The following RORC variants were observed in gnomAD, a reference collection of about 807,000 sequenced individuals.
RORC encodes the protein RAR related orphan receptor C.
A neutral mutation model predicts 64.5 loss-of-function variants in RORC; 13 were observed. That is an observed-to-expected ratio of 0.20 (90% CI 0.13 to 0.32). RORC has a LOEUF of 0.32. Among genes scored for constraint, RORC ranks in the 10% least tolerant of loss-of-function variants. The pLI, the probability that RORC is intolerant of heterozygous loss-of-function variation, is 1.00. For missense variants in RORC, 468 were observed against 669.5 expected, an observed-to-expected ratio of 0.70 and a Z score of 3.32; for synonymous variants, 277 against 259.3, an observed-to-expected ratio of 1.07 and a Z score of -0.65.
At chr1:151,811,579 T>C (rs1217023680) in intron 9 of RORC, 145 bp from the exon 10 acceptor site, 1 of 528,724 alleles carries the variant, frequency 1.9e-6, no homozygotes, top group African/African-American at 1.9e-5. Flanking sequence ...GGTTTGATAA[T>C]GGTAAGCTCT....
At chr1:151,821,816 A>G (rs1010575313) in intron 2 of RORC, among the ~76,000 whole-genome samples, 4 of 152,136 alleles carry the variant, frequency 2.6e-5, no homozygotes, top group Non-Finnish European at 4.4e-5. Flanking sequence ...CTAGGAACAG[A>G]ATTCACAGAG....
intron 2 of RORC, among the ~76,000 whole-genome samples, chr1:151,819,843 G>C (rs541991739): frequency 6.6e-6 from 1 of 152,100 alleles, no homozygotes; most frequent in Non-Finnish European, 1.5e-5. Flanking sequence ...CGACACCAAA[G>C]CCTTGGACTC....
Position 151,821,951 on chromosome 1 carries a change from C to T in RORC, c.71-4671G>A, listed in dbSNP as rs1035177340. ...CCTGCCCTTACCCCTTTCTCTAAGG[C>T]CAAGTGGGATGACTTATATATCAAC... On this transcript the variant is annotated intron_variant, in intron 2 of 10. Coordinates refer to ENST00000318247, the MANE Select transcript of RORC (RefSeq NM_005060.4). Among the ~76,000 whole-genome samples, 4 of 152,128 alleles carry T rather than the reference C, an allele frequency of 2.6e-5. No homozygotes were observed. In the South Asian group the frequency reaches 8.3e-4, roughly 32 times the overall value.
At position 151,816,743 on chromosome 1, in the gene RORC, G is replaced by A; in HGVS notation, c.219C>T (p.Cys73=). ...GGTTTCGGCTGGTGCGGTCGATGGG[G>A]CAGTTCTGCTGACGGGTGCAGGAGT... ...AAYSCTRQQN[C]PIDRTSRNRC... Residue 73 remains cysteine (C), a synonymous_variant, in exon 4 of 11, where the codon TGC becomes TGT. Transcript: ENST00000318247. The A allele has an allele frequency of 1.3e-6, 2 of 1,597,566 alleles. No homozygotes were observed.
At chr1:151,819,353 A>G (rs921882827) in intron 2 of RORC, among the ~76,000 whole-genome samples, 1 of 152,210 alleles carries the variant, frequency 6.6e-6, no homozygotes, top group African/African-American at 2.4e-5. Flanking sequence ...GATATCACCA[A>G]TGGAAAGCAC....
Position 151,813,365 on chromosome 1 carries a change from A to C in RORC, c.1067-19T>G. 1 of 1,612,018 alleles carries C rather than the reference A, an allele frequency of 6.2e-7. No individual in the cohort carries two copies. ...ATTGCTCCTGGGCAGTGGGGAGAGA[A>C]GATGCAGGGACAGTGTCAAGCAAAG... On this transcript the variant is annotated intron_variant, in intron 7 of 10. Transcript: ENST00000318247.
chr1:151,814,891 C>G (rs1651695573), intron 5 of RORC, 22 bp downstream of exon 5: 2 of 1,604,374 alleles, frequency 1.2e-6, no homozygotes, highest in African/African-American at 1.3e-5. Context: ...CTACCACCCT[C>G]TCCACCTCCC....
chr1:151,811,323 A>G lies in RORC; in HGVS notation c.1395+2T>C. ...CTCTTCTACCCCAGGGACTGCTCCT[A>G]CCTTTGCCAGGATGCTTTGGCGATG... On this transcript the variant is annotated splice_donor_variant, in intron 10 of 10. Coordinates refer to ENST00000318247, the MANE Select transcript of RORC (RefSeq NM_005060.4). LOFTEE classifies it high-confidence loss of function. The G allele has an allele frequency of 6.2e-7, 1 of 1,606,928 alleles. No homozygotes were observed. Among genetic ancestry groups the G allele is most frequent in the Non-Finnish European group, 8.5e-7 (1 of 1,173,624 alleles).
intron 2 of RORC, among the ~76,000 whole-genome samples, chr1:151,827,255 G>A (rs770904397): frequency 6.6e-6 from 1 of 152,252 alleles, no homozygotes; most frequent in Non-Finnish European, 1.5e-5. Flanking sequence ...TTCAAGCCCA[G>A]GCAGACTGGC....
At position 151,827,042 on chromosome 1, in the gene RORC, C is replaced by T. The variant is rs551256316; in HGVS notation, c.70+2387G>A. The stretch of plus-strand genomic sequence containing the variant: ...CTGAGGCAGGAGAATCGCTTGAACC[C>T]GGGAGGCGGAGTTTGCAGTGAGCTG... On this transcript the variant is annotated intron_variant, in intron 2 of 10. Coordinates refer to ENST00000318247, the MANE Select transcript of RORC (RefSeq NM_005060.4). Among the ~76,000 whole-genome samples the T allele has an allele frequency of 3.3e-5, 5 of 152,286 alleles. No individual in the cohort carries two copies. The East Asian group carries it at 9.6e-4, about 29-fold the overall frequency.
At position 151,817,175 on chromosome 1, in the gene RORC, T is replaced by G. The variant is rs930228913; in HGVS notation, c.156+20A>C. ...GTATGCACACGCACACATGCATGCATACACATGCCTATGACTCACCTTGCA... is the reference window on the plus strand; with the variant it reads ...GTATGCACACGCACACATGCATGCAGACACATGCCTATGACTCACCTTGCA... On this transcript the variant is annotated intron_variant, in intron 3 of 10. Transcript: ENST00000318247. The G allele has an allele frequency of 1.9e-6, 3 of 1,574,320 alleles. No individual in the cohort carries two copies. The highest frequency in any genetic ancestry group is 2.6e-6 in the Non-Finnish European group (3 of 1,144,024).
At position 151,829,416 on chromosome 1, in the gene RORC, A is replaced by AC; in HGVS notation, c.70+12dup. 2 of 1,535,322 alleles carry AC rather than the reference A, an allele frequency of 1.3e-6. No homozygotes were observed. Among genetic ancestry groups the AC allele is most frequent in the Non-Finnish European group, 1.7e-6 (2 of 1,148,818 alleles). On this transcript the variant is annotated intron_variant, in intron 2 of 10. Coordinates refer to ENST00000318247, the MANE Select transcript of RORC (RefSeq NM_005060.4). The stretch of plus-strand genomic sequence containing the variant: ...TGCCCCAGCCATTTTCTTGCCCCGG[A>AC]CCCCCTACTCACAGGTGTGGGTCTT...
At chr1:151,826,047 C>A in intron 2 of RORC, 1 of 1,587,440 alleles carries the variant, frequency 6.3e-7, no homozygotes. Flanking sequence ...CTCAGCAGCG[C>A]CTCAGCCTGA....
chr1:151,831,126 A>G, intron 1 of RORC: 1 of 1,283,406 alleles, frequency 7.8e-7, no homozygotes, highest in South Asian at 1.2e-5. Flanking sequence ...CCAGTGCCCC[A>G]CATTCTCTGC....
chr1:151,814,920 T>A lies in RORC; in HGVS notation c.804A>T (p.Thr268=), dbSNP rs201948272. The change falls in exon 5 of 11, where the codon ACA becomes ACT. Residue 268 remains threonine, a synonymous_variant. Coordinates refer to ENST00000318247, the MANE Select transcript of RORC (RefSeq NM_005060.4). ...STPEAPYASL[T]EIEHLVQSVC... is the part of the protein sequence containing the mutation. Reference sequence around the variant, plus strand: ...ACCTCCCCAGCTGCTCACCTATCTCTGTCAGGGAGGCATAGGGTGCCTCCG... The same window carrying A: ...ACCTCCCCAGCTGCTCACCTATCTCAGTCAGGGAGGCATAGGGTGCCTCCG... 15 of 1,612,408 alleles carry A rather than the reference T, an allele frequency of 9.3e-6. No homozygotes were observed. The highest frequency in any genetic ancestry group is 3.4e-6 in the Non-Finnish European group (4 of 1,178,856).
At chr1:151,826,384 G>A (rs1483776982) in intron 2 of RORC, among the ~76,000 whole-genome samples, 1 of 152,182 alleles carries the variant, frequency 6.6e-6, no homozygotes, top group African/African-American at 2.4e-5. Flanking sequence ...TCCTACCCCC[G>A]AGGACCTTCC....
chr1:151,825,851 T>C lies in RORC; in HGVS notation c.70+3578A>G, dbSNP rs1652173181. The C allele has an allele frequency of 3.9e-6, 6 of 1,557,988 alleles. No homozygotes were observed. The South Asian group carries it at 6.7e-5, about 17-fold the overall frequency. On this transcript the variant is annotated intron_variant, in intron 2 of 10. Transcript: ENST00000318247. The stretch of plus-strand genomic sequence containing the variant: ...GCTTTGCTCAGATTTGCTCACACTG[T>C]TCCCAAGACATCCTCCTTTCCAGAG...
intron 2 of RORC, among the ~76,000 whole-genome samples, chr1:151,821,031 A>G (rs1056934883): frequency 1.3e-5 from 2 of 152,244 alleles, no homozygotes; most frequent in Non-Finnish European, 2.9e-5. Context: ...GAATTGCTTT[A>G]GAGACTGAAG....
At chr1:151,826,423 C>T (rs1229096141) in intron 2 of RORC, among the ~76,000 whole-genome samples, 1 of 152,206 alleles carries the variant, frequency 6.6e-6, no homozygotes, top group African/African-American at 2.4e-5. Context: ...CAGGTGACTT[C>T]AGGGACAGGG....
Sources: allele counts gnomAD v4.1 joint callset (sites outside exome capture counted in the v4.1 genomes callset), GRCh38; gene constraint gnomAD v4.1.1; transcripts MANE v1.5; gene names NCBI Gene and HGNC (gene_info 2026-07-23, HGNC 2026-07-21).